The following TTLL7 variants were observed in gnomAD, a reference collection of about 807,000 sequenced individuals.
TTLL7 encodes the protein tubulin tyrosine ligase like 7.
In TTLL7, 53 loss-of-function variants were observed where a neutral mutation model predicts 120.2. The ratio of observed to expected loss-of-function variants is 0.44; its 90% CI spans 0.35 to 0.55. TTLL7 has a LOEUF of 0.55. Ranked by LOEUF, TTLL7 falls within the 20% of genes least tolerant of loss-of-function variation. The pLI is 0.00. For synonymous variants in TTLL7, 353 were observed against 351.7 expected (o/e 1.00, Z -0.04); for missense variants, 803 against 1,054.7 (o/e 0.76, Z 3.31).
Position 83,866,406 on chromosome 1 carries a change from T to C in TTLL7, c.*3556A>G, listed in dbSNP as rs1652917904. The C allele has an allele frequency of 6.6e-6, 1 of 151,862 alleles. No homozygotes were observed. Among genetic ancestry groups the C allele is most frequent in the South Asian group, 2.1e-4 (1 of 4,834 alleles). The allele number at this position is 151,862 out of a possible 1,614,324, so 9.4% of individuals were successfully genotyped here. A position where few individuals can be genotyped will look rare whatever the true frequency, so the allele number is the denominator to read the frequency against. On this transcript the variant is annotated 3_prime_UTR_variant, in exon 21 of 21. Coordinates refer to ENST00000260505, the MANE Select transcript of TTLL7 (RefSeq NM_024686.6). ...AGTTAGATACAAAATTCCATACTCA[T>C]ATATTTTACAAATTAAAAAGACAGT...
At chr1:83,977,345 T>A in intron 1 of TTLL7, among the ~76,000 whole-genome samples, 1 of 152,136 alleles carries the variant, frequency 6.6e-6, no homozygotes, top group East Asian at 1.9e-4. Flanking sequence ...AAATCTATTT[T>A]AGGAATCCAG....
chr1:83,922,885 G>A (rs1263341242), intron 10 of TTLL7, among the ~76,000 whole-genome samples: 1 of 150,776 alleles, frequency 6.6e-6, no homozygotes, highest in African/African-American at 2.5e-5. Flanking sequence ...TAAAGTATGA[G>A]GGCTTGGAAC....
intron 18 of TTLL7, among the ~76,000 whole-genome samples, chr1:83,898,993 T>C (rs909702878): frequency 3.9e-5 from 6 of 151,932 alleles, no homozygotes; most frequent in Admixed American, 2.6e-4. Flanking sequence ...TTTGTATTCA[T>C]GATGTGTATA....
At chr1:83,989,390 T>G (rs944703021) in intron 1 of TTLL7, among the ~76,000 whole-genome samples, 1 of 152,214 alleles carries the variant, frequency 6.6e-6, no homozygotes, top group African/African-American at 2.4e-5. Flanking sequence ...TGCATATGGC[T>G]AGCCAGTTAT....
Position 83,869,931 on chromosome 1 carries a change from T to C in TTLL7, c.*31A>G, listed in dbSNP as rs201706019. On this transcript the variant is annotated 3_prime_UTR_variant, in exon 21 of 21. Transcript: ENST00000260505. ...AGAGGAAAAAAATGAATTGCTGTTA[T>C]GTATAACCAATGGCGATCTTCCCTT... 2.1e-4 allele frequency: 327 copies of C among 1,591,412 alleles called. 3 individuals carry two copies. In the South Asian group the frequency reaches 3.7e-3, roughly 18 times the overall value.
At chr1:83,931,295 T>C (rs1421975216) in intron 9 of TTLL7, among the ~76,000 whole-genome samples, 1 of 152,094 alleles carries the variant, frequency 6.6e-6, no homozygotes, top group African/African-American at 2.4e-5. Context: ...ATCAAAACAA[T>C]CACTTTTTCC....
intron 1 of TTLL7, among the ~76,000 whole-genome samples, chr1:83,967,738 G>A (rs1650603544): frequency 6.6e-6 from 1 of 151,898 alleles, no homozygotes; most frequent in Non-Finnish European, 1.5e-5. Flanking sequence ...ATCTAGATAG[G>A]TTTTCTAACT....
intron 19 of TTLL7, among the ~76,000 whole-genome samples, chr1:83,884,142 G>A (rs764821542): frequency 3.3e-5 from 5 of 151,494 alleles, no homozygotes; most frequent in Non-Finnish European, 7.4e-5. Context: ...GGGAGGGAGA[G>A]AGAGAGAGAG....
At chr1:83,959,827 T>TA (rs1373430177) in intron 1 of TTLL7, among the ~76,000 whole-genome samples, 1 of 152,194 alleles carries the variant, frequency 6.6e-6, no homozygotes, top group African/African-American at 2.4e-5. Flanking sequence ...ACATCAGTGA[T>TA]ACATGCTGCA....
intron 9 of TTLL7, among the ~76,000 whole-genome samples, chr1:83,931,562 A>G (rs540877490): frequency 2.5e-3 from 379 of 152,266 alleles, no homozygotes; most frequent in African/African-American, 8.7e-3. Context: ...ACTTATAACT[A>G]TTACCATAAA....
At chr1:83,988,722 T>G (rs1335026982) in intron 1 of TTLL7, among the ~76,000 whole-genome samples, 1 of 152,146 alleles carries the variant, frequency 6.6e-6, no homozygotes, top group Non-Finnish European at 1.5e-5. Flanking sequence ...CCACCTTTTT[T>G]TTTTTAAGAT....
In TTLL7 at chr1:83,865,988, C is replaced by T. The variant is rs1478705019; in HGVS notation, c.*3974G>A. On this transcript the variant is annotated 3_prime_UTR_variant, in exon 21 of 21. Coordinates refer to ENST00000260505, the MANE Select transcript of TTLL7 (RefSeq NM_024686.6). ...CAAAATATTTAGATAACTAATACGGCCCTTGAAAACTTAAATTTCTTAAAG... is the reference window on the plus strand; with the variant it reads ...CAAAATATTTAGATAACTAATACGGTCCTTGAAAACTTAAATTTCTTAAAG... 6.6e-6 allele frequency: 1 copy of T among 151,680 alleles called. No individual in the cohort carries two copies. The highest frequency in any genetic ancestry group is 1.9e-4 in the East Asian group (1 of 5,194). The allele number at this position is 151,680 out of a possible 1,614,324, so 9.4% of individuals were successfully genotyped here. A position where few individuals can be genotyped will look rare whatever the true frequency, so the allele number is the denominator to read the frequency against.
chr1:83,938,846 C>T (rs544333579), intron 7 of TTLL7, among the ~76,000 whole-genome samples: 1 of 152,230 alleles, frequency 6.6e-6, no homozygotes, highest in Admixed American at 6.5e-5. Flanking sequence ...CTTGAGAGAG[C>T]AATGTTACAT....
At chr1:83,890,243 G>A (rs751315178) in intron 19 of TTLL7, 78 bp downstream of exon 19, 87 of 1,375,198 alleles carry the variant, frequency 6.3e-5, no homozygotes, top group Non-Finnish European at 7.7e-5. Context: ...GATCATTCAA[G>A]CATTTTATTA....
chr1:83,917,575 T>G, intron 14 of TTLL7, 29 bp downstream of exon 14: 2 of 1,499,742 alleles, frequency 1.3e-6, no homozygotes, highest in Non-Finnish European at 1.9e-6. Context: ...TCTACTTTGA[T>G]AAGTAAGGAA....
rs549762852 is a variant in TTLL7 at position 83,879,307 on chromosome 1, C to A, written c.2543+3656G>T. On this transcript the variant is annotated intron_variant, in intron 20 of 20. Coordinates refer to ENST00000260505, the MANE Select transcript of TTLL7 (RefSeq NM_024686.6). ...AGGGAGAAATGTTTACTTCTCTTCA[C>A]TCCTTGTGTTCCAATGTAGAAGAAT... is the stretch of plus-strand genomic sequence containing the variant. Among the ~76,000 whole-genome samples, 4 of 152,108 alleles carry A rather than the reference C, an allele frequency of 2.6e-5. No homozygotes were observed. The South Asian group carries it at 8.3e-4, about 32-fold the overall frequency.
At chr1:83,995,867 A>G (rs552627109) in intron 1 of TTLL7, among the ~76,000 whole-genome samples, 26 of 152,338 alleles carry the variant, frequency 1.7e-4, no homozygotes, top group African/African-American at 6.3e-4. Flanking sequence ...ATCAATAGTG[A>G]CAATGAGGAA....
At chr1:83,991,523 A>G (rs796215891) in intron 1 of TTLL7, among the ~76,000 whole-genome samples, 18 of 152,174 alleles carry the variant, frequency 1.2e-4, no homozygotes, top group African/African-American at 4.3e-4. Context: ...GTACACCTGT[A>G]GTCCCAGCTA....
At chr1:83,936,085 A>G (rs1328973219) in intron 8 of TTLL7, among the ~76,000 whole-genome samples, 1 of 152,176 alleles carries the variant, frequency 6.6e-6, no homozygotes, top group Non-Finnish European at 1.5e-5. Context: ...CACATTGGCT[A>G]TGTTTGGGTC....
Sources: gnomAD v4.1 joint callset for allele counts (sites outside exome capture counted in the v4.1 genomes callset) on GRCh38, gnomAD v4.1.1 for gene constraint, MANE v1.5 for transcripts, NCBI Gene and HGNC (gene_info 2026-07-23, HGNC 2026-07-21) for gene names.